The following PRKD1 variants were observed in gnomAD, a reference collection of about 807,000 sequenced individuals.
PRKD1 encodes serine/threonine-protein kinase D1.
In PRKD1, 63 loss-of-function variants were observed where a neutral mutation model predicts 95.9. The ratio of observed to expected loss-of-function variants is 0.66; its 90% CI spans 0.54 to 0.81. The LOEUF (loss-of-function observed/expected upper bound fraction) is 0.81, where lower values mean the gene tolerates loss of function less well. Ranked by LOEUF, PRKD1 falls within the 30% of genes least tolerant of loss-of-function variation. The probability of loss-of-function intolerance (pLI) is 0.00; values close to 1 mark genes in which losing one functional copy is unlikely to be tolerated. For synonymous variants in PRKD1, 425 were observed against 423.1 expected, an observed-to-expected ratio of 1.00 and a Z score of -0.05; for missense variants, 1,048 against 1,165.3, an observed-to-expected ratio of 0.90 and a Z score of 1.47.
chr14:29,888,787 A>G (rs1893832515), intron 1 of PRKD1, among the ~76,000 whole-genome samples: 1 of 152,250 alleles, frequency 6.6e-6, no homozygotes, highest in Admixed American at 6.5e-5. Context: ...TAAGTTACTT[A>G]TAGCTGACCT....
At chr14:29,726,846 GA>G (rs951925495) in intron 1 of PRKD1, among the ~76,000 whole-genome samples, 31 of 145,044 alleles carry the variant, frequency 2.1e-4, no homozygotes, top group Admixed American at 1.4e-3. Flanking sequence ...CTAACTAAAA[GA>G]AAAAAAAAAC....
intron 1 of PRKD1, among the ~76,000 whole-genome samples, chr14:29,829,763 C>T (rs1891332131): frequency 2.0e-5 from 3 of 152,168 alleles, no homozygotes; most frequent in Non-Finnish European, 4.4e-5. Context: ...GATGTTGTCC[C>T]TAGTCACAAT....
chr14:29,731,651 T>C (rs1305565896), intron 1 of PRKD1, among the ~76,000 whole-genome samples: 1 of 152,198 alleles, frequency 6.6e-6, no homozygotes, highest in Non-Finnish European at 1.5e-5. Context: ...TGGTACATTT[T>C]CTTGAAGAAT....
rs45478995 is a variant in PRKD1, at chr14:29,635,179, A to G, written c.1191-638T>C. On this transcript the variant is annotated intron_variant, in intron 7 of 17. Transcript: ENST00000331968. ...TATTCAGACTCACACATGAAAGCTT[A>G]TTTGCTTATTTATTTCCTATTATAG... 5.3e-5 allele frequency among the ~76,000 whole-genome samples: 8 copies of G among 152,284 alleles called. No homozygotes were observed. The East Asian group carries it at 1.5e-3, about 29-fold the overall frequency.
At position 29,666,097 on chromosome 14, in the gene PRKD1, C is replaced by T. The variant is rs1174219763; in HGVS notation, c.515G>A (p.Arg172His). 8.8e-6 allele frequency: 14 copies of T among 1,592,336 alleles called. No homozygotes were observed. The highest frequency in any genetic ancestry group is 5.4e-5 in the African/African-American group (4 of 74,720). ...HCGEMLWGLV[R>H]QGLKCEGCGL... Reference sequence around the variant, plus strand: ...CTTACCTTCACATTTAAGACCTTGACGTACCAGCCCCCACAGCATTTCTCC... The same window carrying T: ...CTTACCTTCACATTTAAGACCTTGATGTACCAGCCCCCACAGCATTTCTCC... Residue 172 changes from arginine to histidine, a missense_variant, in exon 3 of 18, where the codon CGT (arginine) becomes CAT (histidine). Arg to His is a conservative substitution (Grantham distance 29, BLOSUM62 0). Transcript: ENST00000331968.
At position 29,734,762 on chromosome 14, in the gene PRKD1, A is replaced by T. The variant is rs1405522848; in HGVS notation, c.265-9088T>A. ...TGTATTCAGTCAAATACTAAACCAG[A>T]TCCTTACACAGATTTCTGGAGCTCT... On this transcript the variant is annotated intron_variant, in intron 1 of 17. Coordinates refer to ENST00000331968, the MANE Select transcript of PRKD1 (RefSeq NM_002742.3). Among the ~76,000 whole-genome samples the T allele has an allele frequency of 3.9e-5, 6 of 152,166 alleles. No individual in the cohort carries two copies. In the East Asian group the frequency reaches 1.2e-3, roughly 29 times the overall value.
rs192306010 is a variant in PRKD1 at position 29,681,162 on chromosome 14, T to C, written c.404-14954A>G. Among the ~76,000 whole-genome samples the C allele has an allele frequency of 2.1e-4, 32 of 152,322 alleles. No individual in the cohort carries two copies. In the East Asian group the frequency reaches 5.2e-3, roughly 25 times the overall value. On this transcript the variant is annotated intron_variant, in intron 2 of 17. Transcript: ENST00000331968. Reference sequence around the variant, plus strand: ...GCTTGTGTTGTTTTAAGCCAGTAAGTTTCTCATCACTTGTAAAAGCAGCAA... The same window carrying C: ...GCTTGTGTTGTTTTAAGCCAGTAAGCTTCTCATCACTTGTAAAAGCAGCAA...
intron 1 of PRKD1, among the ~76,000 whole-genome samples, chr14:29,856,853 C>T (rs1302678959): frequency 6.6e-6 from 1 of 152,174 alleles, no homozygotes; most frequent in East Asian, 1.9e-4. Flanking sequence ...AATCCATTTG[C>T]CTCGGTATGC....
At chr14:29,899,791 T>C (rs979156258) in intron 1 of PRKD1, among the ~76,000 whole-genome samples, 1 of 152,230 alleles carries the variant, frequency 6.6e-6, no homozygotes, top group African/African-American at 2.4e-5. Context: ...CACTATGATA[T>C]GGTTTGGCTG....
chr14:29,921,619 T>C (rs552762333), intron 1 of PRKD1, among the ~76,000 whole-genome samples: 4 of 152,246 alleles, frequency 2.6e-5, no homozygotes, highest in Non-Finnish European at 5.9e-5. Context: ...CAGTTATTCA[T>C]GAATAAATTA....
At chr14:29,727,344 T>C in intron 1 of PRKD1, among the ~76,000 whole-genome samples, 1 of 152,072 alleles carries the variant, frequency 6.6e-6, no homozygotes, top group Non-Finnish European at 1.5e-5. Flanking sequence ...ATTTTGTGGG[T>C]TGCCTGTTCA....
At chr14:29,835,031 G>C (rs571978095) in intron 1 of PRKD1, among the ~76,000 whole-genome samples, 2 of 151,890 alleles carry the variant, frequency 1.3e-5, no homozygotes, top group Non-Finnish European at 2.9e-5. Context: ...TTCCATATTT[G>C]TGAGTTTACA....
Position 29,626,718 on chromosome 14 carries a change from C to CTT in PRKD1, c.1726-164_1726-163dup, listed in dbSNP as rs34249162. 2.3e-3 allele frequency among the ~76,000 whole-genome samples: 335 copies of CTT among 143,404 alleles called. 2 individuals carry two copies. Among genetic ancestry groups the CTT allele is most frequent in the East Asian group, 0.018 (86 of 4,868 alleles). 94.1% of individuals were successfully genotyped at this position (143,404 alleles called of 152,430 possible). A position where few individuals can be genotyped will look rare whatever the true frequency, so the allele number is the denominator to read the frequency against. On this transcript the variant is annotated intron_variant, in intron 11 of 17. Coordinates refer to ENST00000331968, the MANE Select transcript of PRKD1 (RefSeq NM_002742.3). ...ATGACTGTAATATTCAAAGCACACT[C>CTT]TTTTTTTTTTTTTTGAGATGGAGTC... is the stretch of plus-strand genomic sequence containing the variant.
At chr14:29,742,327 A>G (rs1312025092) in intron 1 of PRKD1, among the ~76,000 whole-genome samples, 2 of 152,192 alleles carry the variant, frequency 1.3e-5, no homozygotes, top group Non-Finnish European at 2.9e-5. Context: ...AAGTGGCCAG[A>G]TGTCCTCAGC....
intron 2 of PRKD1, among the ~76,000 whole-genome samples, chr14:29,700,474 GT>G (rs1884771323): frequency 6.6e-6 from 1 of 152,046 alleles, no homozygotes; most frequent in African/African-American, 2.4e-5. Context: ...TCTGCTCCTT[GT>G]TTTTTCATTT....
chr14:29,739,912 T>A (rs12878332), intron 1 of PRKD1, among the ~76,000 whole-genome samples: 22,406 of 152,208 alleles, frequency 0.15, 1,984 homozygotes, highest in South Asian at 0.22. Context: ...TTAACTCTAA[T>A]GCAGCAATTT....
chr14:29,702,532 A>G (rs1055801188), intron 2 of PRKD1, among the ~76,000 whole-genome samples: 2 of 151,964 alleles, frequency 1.3e-5, no homozygotes, highest in Admixed American at 1.3e-4. Context: ...ATTTTCCAAT[A>G]CCTATTGAAA....
intron 1 of PRKD1, among the ~76,000 whole-genome samples, chr14:29,845,129 T>C (rs150529035): frequency 1.0e-3 from 157 of 152,328 alleles, no homozygotes; most frequent in Non-Finnish European, 1.9e-3. Flanking sequence ...GTTTTCTATG[T>C]TCTCCAATTT....
intron 4 of PRKD1, among the ~76,000 whole-genome samples, chr14:29,658,752 T>C (rs562826759): frequency 1.3e-5 from 2 of 152,350 alleles, no homozygotes; most frequent in African/African-American, 4.8e-5. Flanking sequence ...TGACAATGTT[T>C]ATTATGCAAA....
Sources: gnomAD v4.1 joint callset for allele counts (sites outside exome capture counted in the v4.1 genomes callset) on GRCh38, gnomAD v4.1.1 for gene constraint, MANE v1.5 for transcripts, NCBI Gene and HGNC (gene_info 2026-07-23, HGNC 2026-07-21) for gene names.